Variants in ADAM32 observed in about 807,000 individuals in gnomAD.
The protein encoded by ADAM32 is disintegrin and metalloproteinase domain-containing protein 32.
A neutral mutation model predicts 114.9 loss-of-function variants in ADAM32; 89 were observed. That is an observed-to-expected ratio of 0.77 (90% confidence interval 0.65 to 0.92). ADAM32 has a LOEUF of 0.92. ADAM32 is among the 40% of genes least tolerant of loss of function. The probability of loss-of-function intolerance (pLI) is 0.00; values close to 1 mark genes in which losing one functional copy is unlikely to be tolerated. For missense variants in ADAM32, 870 were observed against 932.8 expected (o/e 0.93, Z 0.88); for synonymous variants, 285 against 307.5 (o/e 0.93, Z 0.77).
chr8:39,171,528 TAAAC>T (rs968816750), intron 10 of ADAM32, among the ~76,000 whole-genome samples: 5 of 152,160 alleles, frequency 3.3e-5, no homozygotes, highest in African/African-American at 1.2e-4. Context: ...TTCTAATACT[TAAAC>T]ATTTTTTATT....
intron 11 of ADAM32, among the ~76,000 whole-genome samples, chr8:39,201,824 G>C (rs574770719): frequency 1.3e-5 from 2 of 152,280 alleles, no homozygotes; most frequent in African/African-American, 2.4e-5. Flanking sequence ...TTTATTGAGA[G>C]TTTTTAGCAT....
At chr8:39,212,107 C>G (rs1342117821) in intron 12 of ADAM32, among the ~76,000 whole-genome samples, 1 of 152,156 alleles carries the variant, frequency 6.6e-6, no homozygotes, top group East Asian at 1.9e-4. Flanking sequence ...ACCTCCGCCT[C>G]CTGGGTTCAA....
rs888127823 is a variant in ADAM32 at position 39,170,628 on chromosome 8, A to G, written c.915+631A>G. ...ATGATGTCAAATTTGTTGAGTATAT[A>G]TATATAGGAACATATAAGAAAATTC... is the stretch of plus-strand genomic sequence containing the variant. On this transcript the variant is annotated intron_variant, in intron 10 of 24. Coordinates refer to ENST00000379907, the MANE Select transcript of ADAM32 (RefSeq NM_145004.7). Among the ~76,000 whole-genome samples the G allele has an allele frequency of 1.2e-4, 18 of 152,132 alleles. No individual in the cohort carries two copies. The East Asian group carries it at 3.5e-3, about 29-fold the overall frequency.
chr8:39,145,091 T>C (rs1803419364), intron 3 of ADAM32, among the ~76,000 whole-genome samples: 1 of 152,034 alleles, frequency 6.6e-6, no homozygotes, highest in Non-Finnish European at 1.5e-5. Flanking sequence ...ATAAAATACT[T>C]AGGAGTAAGT....
intron 14 of ADAM32, among the ~76,000 whole-genome samples, chr8:39,231,370 C>A (rs1466500042): frequency 9.1e-4 from 1 of 1,104 alleles, no homozygotes; most frequent in East Asian, 0.17. Context: ...CAACCAGTGA[C>A]CTCTGAAGGT....
intron 4 of ADAM32, among the ~76,000 whole-genome samples, chr8:39,148,257 A>T (rs1268481663): frequency 2.0e-5 from 3 of 151,872 alleles, no homozygotes; most frequent in Non-Finnish European, 2.9e-5. Context: ...TACCTCATTC[A>T]CTTTGTTCCA....
intron 1 of ADAM32, among the ~76,000 whole-genome samples, chr8:39,115,801 A>G (rs1174385395): frequency 6.6e-6 from 1 of 152,198 alleles, no homozygotes; most frequent in East Asian, 1.9e-4. Context: ...AGTCTTCATC[A>G]TGAAACCTTT....
At chr8:39,273,954 G>T (rs1232203768) in intron 20 of ADAM32, among the ~76,000 whole-genome samples, 2 of 151,950 alleles carry the variant, frequency 1.3e-5, no homozygotes, top group African/African-American at 4.8e-5. Flanking sequence ...CAAAAGTTGG[G>T]GTATGAAGGT....
chr8:39,183,285 T>A lies in ADAM32; in HGVS notation c.916-3624T>A, dbSNP rs115717583. The stretch of plus-strand genomic sequence containing the variant: ...TCATCTCCAACTGACCCAGATGGCT[T>A]AGCCCTACCAGCACTCCCAGTGGTT... On this transcript the variant is annotated intron_variant, in intron 10 of 24. Transcript: ENST00000379907. 3.9e-3 allele frequency among the ~76,000 whole-genome samples: 601 copies of A among 152,232 alleles called. 2 individuals are homozygous for A. The highest frequency in any genetic ancestry group is 0.014 in the African/African-American group (570 of 41,532).
intron 8 of ADAM32, 27 bp from the exon 9 acceptor site, chr8:39,165,003 G>A (rs10088854): frequency 0.53 from 817,636 of 1,546,722 alleles, 221,431 homozygotes; most frequent in South Asian, 0.7. Flanking sequence ...TATTAATTAT[G>A]CATGTATTTA....
chr8:39,114,856 T>C (rs572178541), intron 1 of ADAM32, among the ~76,000 whole-genome samples: 1 of 152,316 alleles, frequency 6.6e-6, no homozygotes, highest in African/African-American at 2.4e-5. Flanking sequence ...AGTTTTTCAG[T>C]CCTCTCCCTC....
intron 11 of ADAM32, among the ~76,000 whole-genome samples, chr8:39,190,264 T>G (rs1156241903): frequency 6.6e-6 from 1 of 152,224 alleles, no homozygotes; most frequent in Non-Finnish European, 1.5e-5. Context: ...CATTGTGATG[T>G]ATACCACATT....
intron 3 of ADAM32, among the ~76,000 whole-genome samples, chr8:39,145,195 G>T (rs10107940): frequency 2.0e-5 from 3 of 152,078 alleles, no homozygotes; most frequent in Admixed American, 2.0e-4. Context: ...AACATGGATT[G>T]GAAGAGTTAA....
At chr8:39,145,847 C>T (rs1236206232) in intron 3 of ADAM32, among the ~76,000 whole-genome samples, 2 of 152,072 alleles carry the variant, frequency 1.3e-5, no homozygotes, top group African/African-American at 2.4e-5. Context: ...CCTGTTGCCT[C>T]AGCCTCCCAA....
intron 10 of ADAM32, among the ~76,000 whole-genome samples, chr8:39,178,890 C>T (rs78741947): frequency 2.0e-5 from 3 of 152,138 alleles, no homozygotes; most frequent in South Asian, 4.1e-4. Context: ...GCAAAGATGG[C>T]AACCTGCTTC....
At chr8:39,276,729 G>A (rs11991612) in intron 22 of ADAM32, among the ~76,000 whole-genome samples, 19,304 of 152,088 alleles carry the variant, frequency 0.13, 4,111 homozygotes, top group African/African-American at 0.44. Context: ...ACAGTGGCAC[G>A]TTGGAGTCAT....
intron 19 of ADAM32, among the ~76,000 whole-genome samples, chr8:39,260,827 T>G (rs1264388436): frequency 6.6e-6 from 1 of 152,152 alleles, no homozygotes; most frequent in African/African-American, 2.4e-5. Flanking sequence ...GGATTAGTAT[T>G]AATTCTATTA....
intron 6 of ADAM32, chr8:39,157,856 G>T: frequency 1.7e-6 from 1 of 605,354 alleles, no homozygotes; most frequent in Non-Finnish European, 3.0e-6. Context: ...CATCCTTGAT[G>T]AAGTAGCCCT....
At chr8:39,268,480 C>T (rs528849579) in intron 19 of ADAM32, among the ~76,000 whole-genome samples, 34 of 152,090 alleles carry the variant, frequency 2.2e-4, no homozygotes, top group African/African-American at 5.5e-4. Flanking sequence ...TGTTGTATTT[C>T]GAGTGTTCTG....
Sources: allele counts gnomAD v4.1 joint callset (sites outside exome capture counted in the v4.1 genomes callset), GRCh38; gene constraint gnomAD v4.1.1; transcripts MANE v1.5; gene names NCBI Gene and HGNC (gene_info 2026-07-23, HGNC 2026-07-21).